The following AK9 variants were observed in gnomAD, a reference collection of about 807,000 sequenced individuals.
AK9 encodes the protein adenylate kinase domain containing 1.
AK9 carries 191 observed loss-of-function variants against 239.6 expected under a neutral mutation model. The observed-to-expected ratio is 0.80, with a 90% CI of 0.71 to 0.90. The LOEUF (loss-of-function observed/expected upper bound fraction) is 0.90. Among genes scored for constraint, AK9 ranks in the 40% least tolerant of loss-of-function variants. AK9 has a pLI of 0.00. For synonymous variants in AK9, 689 were observed against 721.0 expected (o/e 0.96, Z 0.71); for missense variants, 1,995 against 2,214.7 (o/e 0.90, Z 1.99).
chr6:109,503,064 T>C (rs564145604), intron 35 of AK9, among the ~76,000 whole-genome samples: 1 of 152,038 alleles, frequency 6.6e-6, no homozygotes, highest in Non-Finnish European at 1.5e-5. Context: ...TTCTATCTGT[T>C]GCTTATGACA....
intron 1 of AK9, among the ~76,000 whole-genome samples, chr6:109,676,390 A>G (rs116801987): frequency 3.2e-3 from 486 of 152,120 alleles, no homozygotes; most frequent in African/African-American, 0.011. Flanking sequence ...ACTTAGTCCA[A>G]CTCTTTTGGA....
At chr6:109,607,810 T>G (rs900040542) in intron 17 of AK9, among the ~76,000 whole-genome samples, 1 of 141,570 alleles carries the variant, frequency 7.1e-6, no homozygotes, top group South Asian at 2.3e-4. Flanking sequence ...TGTGTGAAAA[T>G]TGAGTAGCTC....
At chr6:109,676,749 A>T (rs1242769655) in intron 1 of AK9, among the ~76,000 whole-genome samples, 1 of 152,134 alleles carries the variant, frequency 6.6e-6, no homozygotes, top group Non-Finnish European at 1.5e-5. Context: ...AGTTAAAATG[A>T]TATAGCAAAA....
chr6:109,643,858 C>T (rs1797737954), intron 9 of AK9, among the ~76,000 whole-genome samples: 1 of 152,148 alleles, frequency 6.6e-6, no homozygotes, highest in Admixed American at 6.5e-5. Context: ...TCTCACTTCC[C>T]TCACCTCCCC....
rs767508400 is a variant in AK9, at chr6:109,542,029, C to G, written c.3350+18G>C. ...AATAAAAGCAAATAAATGTACAATT[C>G]TATATAAATTAAGATACCGTATTGG... is the stretch of plus-strand genomic sequence containing the variant. On this transcript the variant is annotated intron_variant, in intron 27 of 40. Transcript: ENST00000424296. 2 of 1,535,894 alleles carry G rather than the reference C, an allele frequency of 1.3e-6. No homozygotes were observed. Among genetic ancestry groups the G allele is most frequent in the Non-Finnish European group, 1.8e-6 (2 of 1,136,010 alleles).
intron 1 of AK9, among the ~76,000 whole-genome samples, chr6:109,678,524 T>C (rs1246329219): frequency 1.3e-5 from 2 of 152,202 alleles, no homozygotes; most frequent in Non-Finnish European, 2.9e-5. Flanking sequence ...AATATTATCA[T>C]AAGAGAAATA....
intron 13 of AK9, among the ~76,000 whole-genome samples, chr6:109,618,856 A>C (rs1346874725): frequency 6.7e-6 from 1 of 149,798 alleles, no homozygotes; most frequent in Non-Finnish European, 1.5e-5. Context: ...CATTGGAGAA[A>C]GAAATCCAAA....
At chr6:109,558,799 G>A (rs1785330055) in intron 24 of AK9, among the ~76,000 whole-genome samples, 1 of 151,838 alleles carries the variant, frequency 6.6e-6, no homozygotes, top group Admixed American at 6.6e-5. Flanking sequence ...TATGGAATCT[G>A]TAGATAAATT....
intron 26 of AK9, among the ~76,000 whole-genome samples, chr6:109,542,435 A>G (rs1783020199): frequency 6.6e-6 from 1 of 152,196 alleles, no homozygotes; most frequent in South Asian, 2.1e-4. Context: ...GTAACAATGT[A>G]TTGTGTATTT....
chr6:109,514,633 T>A (rs540100140), intron 31 of AK9, among the ~76,000 whole-genome samples, 196 bp from the exon 32 acceptor site: 3 of 152,342 alleles, frequency 2.0e-5, no homozygotes, highest in Admixed American at 1.3e-4. Flanking sequence ...ATGTAATGAA[T>A]GCAATAGTTC....
intron 17 of AK9, among the ~76,000 whole-genome samples, chr6:109,595,002 G>T (rs1221202883): frequency 6.6e-6 from 1 of 152,116 alleles, no homozygotes; most frequent in Non-Finnish European, 1.5e-5. Context: ...AGCCAAAATT[G>T]ACAAATGGGA....
In AK9 at chr6:109,550,282, C is replaced by T; in HGVS notation, c.2772G>A (p.Glu924=). Residue 924 remains glutamate (E), a synonymous_variant, in exon 25 of 41, where the codon GAG becomes GAA. Transcript: ENST00000424296. ...TTGTGTCTCCCAAATGCCTCTTTCT[C>T]TCCTTCATTTTATCTTCACCCTAGA... ...EEEEGEDKMK[E]RKRHLGDTKH... 1 of 1,610,898 alleles carries T rather than the reference C, an allele frequency of 6.2e-7. No homozygotes were observed. Among genetic ancestry groups the T allele is most frequent in the South Asian group, 1.1e-5 (1 of 91,034 alleles).
At chr6:109,687,159 T>C (rs181333210) in intron 1 of AK9, among the ~76,000 whole-genome samples, 36 of 152,342 alleles carry the variant, frequency 2.4e-4, no homozygotes, top group African/African-American at 8.2e-4. Flanking sequence ...GAAATCTTCC[T>C]GGCAGGCAGA....
intron 12 of AK9, among the ~76,000 whole-genome samples, chr6:109,623,950 T>C (rs1348077781): frequency 1.3e-5 from 2 of 149,970 alleles, no homozygotes; most frequent in Non-Finnish European, 3.0e-5. Context: ...AATTAGATAA[T>C]ACATTTTAAA....
intron 17 of AK9, among the ~76,000 whole-genome samples, chr6:109,599,900 G>A (rs1187569431): frequency 1.3e-5 from 2 of 152,160 alleles, no homozygotes; most frequent in Non-Finnish European, 2.9e-5. Context: ...GTATAAGAAT[G>A]CTTGCGATTT....
chr6:109,539,675 C>T (rs551126101), intron 27 of AK9, among the ~76,000 whole-genome samples: 13 of 152,158 alleles, frequency 8.5e-5, no homozygotes, highest in Admixed American at 1.3e-4. Flanking sequence ...GGAGGAGAGG[C>T]GCTCTGATTT....
intron 7 of AK9, 108 bp from the exon 8 acceptor site, chr6:109,656,992 AG>A (rs377165698): frequency 7.8e-7 from 1 of 1,286,656 alleles, no homozygotes; most frequent in Non-Finnish European, 1.1e-6. Flanking sequence ...GGTGAGAAGC[AG>A]GGGGAGGGGA....
At chr6:109,633,384 T>A (rs1287965772) in intron 10 of AK9, 61 bp from the exon 11 acceptor site, 1 of 1,472,588 alleles carries the variant, frequency 6.8e-7, no homozygotes, top group African/African-American at 1.4e-5. Context: ...ATTAGGAGCA[T>A]TAAATATTTC....
chr6:109,529,031 T>C lies in AK9; in HGVS notation c.3613A>G (p.Arg1205Gly), dbSNP rs1780898473. 6.3e-7 allele frequency: 1 copy of C among 1,598,996 alleles called. No individual in the cohort carries two copies. ...AKRRAELILERDKKRRENVVR... is the reference protein window; with the variant it reads ...AKRRAELILEGDKKRRENVVR... ...CTTACCTCCCTCCTTTTTTTATCTC[T>C]CTCTAATATAAGTTCAGCCCTTCTT... The change falls in exon 29 of 41, where the codon AGA (arginine) becomes GGA (glycine). Residue 1205 changes from arginine to glycine, a missense_variant. Physicochemically the swap from Arg to Gly is moderately radical, Grantham distance 125. Transcript: ENST00000424296.
Sources: allele counts gnomAD v4.1 joint callset (sites outside exome capture counted in the v4.1 genomes callset), GRCh38; gene constraint gnomAD v4.1.1; transcripts MANE v1.5; gene names NCBI Gene and HGNC (gene_info 2026-07-23, HGNC 2026-07-21).